Variants in AMZ1 observed in about 807,000 individuals in gnomAD.
AMZ1 encodes the protein archaemetzincin-1.
In AMZ1, 39 loss-of-function variants were observed where a neutral mutation model predicts 29.9. The ratio of observed to expected loss-of-function variants is 1.30; its 90% CI spans 1.01 to 1.70. The LOEUF is 1.70. Ranked by LOEUF, AMZ1 falls within the 40% of genes most tolerant of loss-of-function variation. AMZ1 has a pLI of 0.00. For synonymous variants in AMZ1, 458 were observed against 304.0 expected, an observed-to-expected ratio of 1.51 and a Z score of -5.27; for missense variants, 1,041 against 680.6, an observed-to-expected ratio of 1.53 and a Z score of -5.89.
At chr7:2,720,120 A>T (rs114894737), downstream of AMZ1, among the ~76,000 whole-genome samples, 1,409 of 152,370 alleles carry the variant, frequency 9.2e-3, 18 homozygotes, top group African/African-American at 0.032. Flanking sequence ...ACCTACCGAC[A>T]GGGCTGCCAC....
At chr7:2,763,752 T>TC (rs968244671), upstream of AMZ1, among the ~76,000 whole-genome samples, 4 of 152,000 alleles carry the variant, frequency 2.6e-5, no homozygotes, top group Non-Finnish European at 5.9e-5. Flanking sequence ...ACAAAATGCC[T>TC]CCCCCACAGG....
At position 2,709,147 on chromosome 7, in the gene AMZ1, C is replaced by T; in HGVS notation, c.674C>T (p.Ala225Val). The T allele has an allele frequency of 6.3e-7, 1 of 1,589,696 alleles. No individual in the cohort carries two copies. The highest frequency in any genetic ancestry group is 8.6e-7 in the Non-Finnish European group (1 of 1,169,078). Residue 225 changes from alanine (A) to valine (V), a missense_variant, in exon 5 of 7, where the codon GCC becomes GTC. By Grantham distance (64) the Ala-to-Val change is moderately conservative. Coordinates refer to ENST00000683327, the MANE Select transcript of AMZ1 (RefSeq NM_001384743.1). ...PKSGPSAPDL[A>V]LVEAAADGPE... Reference sequence around the variant, plus strand: ...TCGGGGCCCAGCGCCCCTGATCTGGCCCTGGTAGAGGCAGCAGCAGACGGC... The same window carrying T: ...TCGGGGCCCAGCGCCCCTGATCTGGTCCTGGTAGAGGCAGCAGCAGACGGC...
chr7:2,703,875 CTG>C (rs774930029), intron 3 of AMZ1, among the ~76,000 whole-genome samples: 5 of 152,196 alleles, frequency 3.3e-5, no homozygotes, highest in Admixed American at 6.5e-5. Context: ...CTTACTCTCT[CTG>C]GAGTCACATC....
downstream of AMZ1, among the ~76,000 whole-genome samples, chr7:2,721,102 G>A (rs180936430): frequency 1.3e-3 from 194 of 152,316 alleles, 2 homozygotes; most frequent in Admixed American, 0.012. Flanking sequence ...CAAAACGACC[G>A]ACTCTATTGA....
intron 1 of AMZ1, among the ~76,000 whole-genome samples, chr7:2,694,249 C>G (rs1787572570): frequency 6.6e-6 from 1 of 152,192 alleles, no homozygotes; most frequent in Non-Finnish European, 1.5e-5. Flanking sequence ...GGAGTTCACC[C>G]CTCATTTCCT....
chr7:2,712,657 G>T lies in AMZ1; in HGVS notation c.1276G>T (p.Asp426Tyr). 6.2e-7 allele frequency: 1 copy of T among 1,613,120 alleles called. No individual in the cohort carries two copies. Among genetic ancestry groups the T allele is most frequent in the Non-Finnish European group, 8.5e-7 (1 of 1,179,926 alleles). The change falls in exon 7 of 7, where the codon GAC (aspartate) becomes TAC (tyrosine). Residue 426 changes from aspartate to tyrosine, a missense_variant. Physicochemically the swap from Asp to Tyr is radical, Grantham distance 160. Coordinates refer to ENST00000683327, the MANE Select transcript of AMZ1 (RefSeq NM_001384743.1). ...QALQREVAEE[D>Y]LVQVDRAVDA... ...CCTGCAGCGGGAAGTGGCAGAGGAG[G>T]ACCTGGTGCAGGTGGACAGAGCCGT...
chr7:2,709,337 G>A (rs1032480303), intron 5 of AMZ1, 93 bp downstream of exon 5: 1 of 1,283,840 alleles, frequency 7.8e-7, no homozygotes. Flanking sequence ...CATCCTCACA[G>A]TGAAGTGGAT....
chr7:2,709,367 A>G, intron 5 of AMZ1, 123 bp downstream of exon 5: 2 of 1,145,278 alleles, frequency 1.7e-6, no homozygotes, highest in Middle Eastern at 3.0e-4. Context: ...ACTCTATGGA[A>G]TGAGGAAAGC....
At chr7:2,695,531 A>G (rs1310316527) in intron 1 of AMZ1, among the ~76,000 whole-genome samples, 1 of 148,080 alleles carries the variant, frequency 6.8e-6, no homozygotes, top group African/African-American at 2.5e-5. Flanking sequence ...AGCCTGGGCA[A>G]CATAGTGAGA....
At position 2,716,083 on chromosome 7, in the gene AMZ1, T is replaced by A. The variant is rs1033050118; in HGVS notation, c.*3205T>A. 3 of 152,134 alleles carry A rather than the reference T, an allele frequency of 2.0e-5. No homozygotes were observed. The highest frequency in any genetic ancestry group is 7.2e-5 in the African/African-American group (3 of 41,418). 9.4% of individuals were successfully genotyped at this position (152,134 alleles called of 1,614,324 possible). On this transcript the variant is annotated 3_prime_UTR_variant, in exon 7 of 7. Transcript: ENST00000683327. The stretch of plus-strand genomic sequence containing the variant: ...CAGCGGGGCCTCATGGAGCTAAAAA[T>A]AGTTTCAGGTCATGACAGATGTTAT...
chr7:2,682,658 G>A (rs1252226373), intron 1 of AMZ1, among the ~76,000 whole-genome samples: 2 of 152,128 alleles, frequency 1.3e-5, no homozygotes, highest in African/African-American at 4.8e-5. Flanking sequence ...AGACCTCAGT[G>A]TCGGGCCATG....
chr7:2,739,312 C>T (rs1790377690), intron 4 of AMZ1, among the ~76,000 whole-genome samples: 1 of 152,258 alleles, frequency 6.6e-6, no homozygotes, highest in East Asian at 1.9e-4. Flanking sequence ...ACCCTGACAA[C>T]ACGAATCTGC....
intron 6 of AMZ1, 34 bp from the exon 7 acceptor site, chr7:2,712,296 C>T (rs182429111): frequency 6.6e-5 from 100 of 1,520,572 alleles, no homozygotes; most frequent in East Asian, 5.7e-4. Context: ...AGGGCTGGCA[C>T]GGAGCAAACT....
Position 2,731,271 on chromosome 7 carries a change from G to C in AMZ1, n.550+21455G>C, listed in dbSNP as rs138692914. 7.0e-5 allele frequency: 113 copies of C among 1,613,478 alleles called. No homozygotes were observed. The African/African-American group carries it at 1.4e-3, about 20-fold the overall frequency. ...AGCGGACGTTCTCGGTGTCGATGGC[G>C]GTGGTGAAGTGGTGGAAGAGTGGCT... On this transcript the variant is annotated intron_variant and non_coding_transcript_variant, in intron 4 of 4. Coordinates refer to the AMZ1 transcript ENST00000489665. The surrounding 1 kb of genome is among the most constrained non-coding windows in gnomAD (Gnocchi z 6.0).
At position 2,694,782 on chromosome 7, in the gene AMZ1, C is replaced by G. The variant is rs374274581; in HGVS notation, c.-218-5452C>G. On this transcript the variant is annotated intron_variant, in intron 1 of 6. Transcript: ENST00000683327. ...CTGTCTCCTGGATTCAAGCGATTCT[C>G]CTGCCTCAGCCTCCCGAGTAGCTGG... Among the ~76,000 whole-genome samples, 5 of 151,924 alleles carry G rather than the reference C, an allele frequency of 3.3e-5. No individual in the cohort carries two copies. The East Asian group carries it at 5.8e-4, about 18-fold the overall frequency.
rs899024340 is a variant in AMZ1 at position 2,717,114 on chromosome 7, C to T, written c.*4236C>T. Among the ~76,000 whole-genome samples the T allele has an allele frequency of 1.3e-5, 2 of 152,232 alleles. No individual in the cohort carries two copies. Among genetic ancestry groups the T allele is most frequent in the Non-Finnish European group, 2.9e-5 (2 of 68,052 alleles). On this transcript the variant is annotated 3_prime_UTR_variant, in exon 7 of 7. Coordinates refer to ENST00000683327, the MANE Select transcript of AMZ1 (RefSeq NM_001384743.1). ...TTCTGATAACCAGGAGGCTTTCTGG[C>T]CCGTGCAGCTCCTTCGGACTCTGAG...
Position 2,717,726 on chromosome 7 carries a change from C to T in AMZ1, c.*4848C>T, listed in dbSNP as rs146269524. 2.0e-5 allele frequency among the ~76,000 whole-genome samples: 3 copies of T among 152,102 alleles called. No individual in the cohort carries two copies. The highest frequency in any genetic ancestry group is 1.9e-4 in the East Asian group (1 of 5,190). On this transcript the variant is annotated 3_prime_UTR_variant, in exon 7 of 7. Coordinates refer to ENST00000683327, the MANE Select transcript of AMZ1 (RefSeq NM_001384743.1). The stretch of plus-strand genomic sequence containing the variant: ...CAGATCGCGGGTGGAGACGGCCGGC[C>T]GAGCCTTCCCTTTTCTGACATCCTA...
At chr7:2,708,743 G>C (rs763000348) in intron 4 of AMZ1, 27 bp downstream of exon 4, 11 of 1,611,164 alleles carry the variant, frequency 6.8e-6, no homozygotes. Flanking sequence ...GCAGCTGTGC[G>C]TGGGGGGTAG....
intron 3 of AMZ1, among the ~76,000 whole-genome samples, chr7:2,708,175 C>A (rs139066321): frequency 6.6e-6 from 1 of 152,160 alleles, no homozygotes; most frequent in African/African-American, 2.4e-5. Context: ...TGCAGAAAAA[C>A]GCCTCCATCC....
Sources: gnomAD v4.1 joint callset for allele counts (sites outside exome capture counted in the v4.1 genomes callset) on GRCh38, gnomAD v4.1.1 for gene constraint, Gnocchi (gnomAD v3.1) non-coding constraint, MANE v1.5 for transcripts, NCBI Gene and HGNC (gene_info 2026-07-23, HGNC 2026-07-21) for gene names.